Variants in SLC16A2 observed in about 807,000 individuals in gnomAD.
The protein encoded by SLC16A2 is solute carrier family 16 member 2.
In SLC16A2, 3 loss-of-function variants were observed where a neutral mutation model predicts 27.2. That is an observed-to-expected ratio of 0.11 (90% CI 0.05 to 0.28). The LOEUF is 0.28. SLC16A2 is among the 10% of genes least tolerant of loss of function. The pLI is 1.00. For synonymous variants in SLC16A2, 202 were observed against 187.8 expected, an observed-to-expected ratio of 1.08 and a Z score of -0.62; for missense variants, 295 against 458.5, an observed-to-expected ratio of 0.64 and a Z score of 3.26.
chrX:74,520,011 G>A (rs1185657555), intron 1 of SLC16A2, among the ~76,000 whole-genome samples: 4 of 111,684 alleles, frequency 3.6e-5, no homozygotes, highest in African/African-American at 1.3e-4. Flanking sequence ...ATGGGGAGCT[G>A]AGCAACCTAT....
At chrX:74,479,633 T>C (rs1929570639) in intron 1 of SLC16A2, among the ~76,000 whole-genome samples, 1 of 112,053 alleles carries the variant, frequency 8.9e-6, no homozygotes. Context: ...CTTTGGTCTT[T>C]GATGATGGTG....
In SLC16A2 at chrX:74,533,498, A is replaced by C. The variant is rs1930604302; in HGVS notation, c.*1945A>C. The stretch of plus-strand genomic sequence containing the variant: ...GAGAGACCACTGAAAATACTGGAGC[A>C]ACAATGCCCCTGCTTCCATTTCTCC... On this transcript the variant is annotated 3_prime_UTR_variant, in exon 6 of 6. Coordinates refer to ENST00000587091, the MANE Select transcript of SLC16A2 (RefSeq NM_006517.5). The C allele has an allele frequency of 8.9e-6, 1 of 112,330 alleles. No individual in the cohort carries two copies. Among genetic ancestry groups the C allele is most frequent in the Admixed American group, 9.4e-5 (1 of 10,626 alleles). 9.3% of individuals were successfully genotyped at this position (112,330 alleles called of 1,213,427 possible). A position where few individuals can be genotyped will look rare whatever the true frequency, so the allele number is the denominator to read the frequency against.
intron 1 of SLC16A2, among the ~76,000 whole-genome samples, chrX:74,504,646 C>T (rs1032029030): frequency 8.9e-6 from 1 of 112,027 alleles, no homozygotes; most frequent in East Asian, 2.8e-4. Flanking sequence ...ATCCATTTTC[C>T]GGATGAGAAA....
intron 4 of SLC16A2, among the ~76,000 whole-genome samples, chrX:74,527,920 C>T (rs1261315851): frequency 1.8e-5 from 2 of 111,823 alleles, no homozygotes; most frequent in African/African-American, 3.2e-5. Flanking sequence ...GCTCAGGTAC[C>T]GGGGTTCTTA....
intron 1 of SLC16A2, chrX:74,473,620 A>C (rs1314615089): frequency 1.1e-4 from 106 of 986,759 alleles, no homozygotes; most frequent in Non-Finnish European, 1.3e-4. Flanking sequence ...TAATGCCACC[A>C]ACAAATATCT....
At chrX:74,441,935 A>G (rs1306456374) in intron 1 of SLC16A2, among the ~76,000 whole-genome samples, 1 of 110,750 alleles carries the variant, frequency 9.0e-6, no homozygotes, top group Non-Finnish European at 1.9e-5. Context: ...GGCTGTTGAA[A>G]TGGGAATTTG....
At chrX:74,511,884 A>C (rs2147866675) in intron 1 of SLC16A2, among the ~76,000 whole-genome samples, 1 of 112,065 alleles carries the variant, frequency 8.9e-6, no homozygotes, top group Non-Finnish European at 1.9e-5. Context: ...GGAAATAATT[A>C]ATAAATGACG....
chrX:74,467,229 C>T (rs1436060637), intron 1 of SLC16A2, among the ~76,000 whole-genome samples: 7 of 111,711 alleles, frequency 6.3e-5, no homozygotes. Flanking sequence ...TTTTCAGAAC[C>T]CCTCATGATA....
intron 1 of SLC16A2, among the ~76,000 whole-genome samples, chrX:74,436,219 G>A (rs1209625212): frequency 2.7e-5 from 3 of 109,359 alleles, no homozygotes; most frequent in Non-Finnish European, 5.7e-5. Context: ...GTGTGTGTGC[G>A]CATGCGTGCA....
At chrX:74,494,952 C>A (rs1484507449) in intron 1 of SLC16A2, among the ~76,000 whole-genome samples, 2 of 111,446 alleles carry the variant, frequency 1.8e-5, no homozygotes, top group Admixed American at 9.5e-5. Context: ...CTCCTGCCCC[C>A]ACCCTCATAC....
At chrX:74,511,816 T>C (rs1379164658) in intron 1 of SLC16A2, among the ~76,000 whole-genome samples, 1 of 111,711 alleles carries the variant, frequency 9.0e-6, no homozygotes, top group African/African-American at 3.3e-5. Flanking sequence ...GAGTGTTTCA[T>C]CTATTCACTG....
intron 1 of SLC16A2, among the ~76,000 whole-genome samples, chrX:74,502,914 T>A (rs772895621): frequency 9.1e-6 from 1 of 110,444 alleles, no homozygotes; most frequent in Non-Finnish European, 1.9e-5. Context: ...TCCCTTTACA[T>A]GTGTGTTAGC....
At chrX:74,475,149 C>T (rs1178763088) in intron 1 of SLC16A2, among the ~76,000 whole-genome samples, 1 of 107,397 alleles carries the variant, frequency 9.3e-6, no homozygotes, top group Non-Finnish European at 1.9e-5. Context: ...CTGTTGTTTC[C>T]TGACTTTTTA....
At chrX:74,484,063 T>C (rs1251099382) in intron 1 of SLC16A2, among the ~76,000 whole-genome samples, 1 of 111,350 alleles carries the variant, frequency 9.0e-6, no homozygotes, top group Non-Finnish European at 1.9e-5. Flanking sequence ...CCAACTAGAA[T>C]AGAATTTCCA....
At chrX:74,435,543 A>ATGCG (rs1555980987) in intron 1 of SLC16A2, among the ~76,000 whole-genome samples, 4 of 88,380 alleles carry the variant, frequency 4.5e-5, no homozygotes, top group African/African-American at 1.9e-4. Context: ...ATATGTATAT[A>ATGCG]TATATATATA....
chrX:74,486,870 C>T (rs768301353), intron 1 of SLC16A2, among the ~76,000 whole-genome samples: 26 of 111,459 alleles, frequency 2.3e-4, no homozygotes, highest in Admixed American at 3.8e-4. Context: ...ATTAAGAAAA[C>T]GTGGCACATA....
At chrX:74,469,607 C>T (rs1162443580) in intron 1 of SLC16A2, among the ~76,000 whole-genome samples, 2 of 110,780 alleles carry the variant, frequency 1.8e-5, no homozygotes, top group African/African-American at 6.6e-5. Flanking sequence ...TGTTCATTGG[C>T]CATTTGTATA....
intron 5 of SLC16A2, among the ~76,000 whole-genome samples, 162 bp from the exon 6 acceptor site, chrX:74,531,171 G>C (rs1362388375): frequency 1.8e-5 from 2 of 112,812 alleles, no homozygotes; most frequent in Non-Finnish European, 3.7e-5. Flanking sequence ...TCGCTCAAGG[G>C]CCTGCAGCCC....
chrX:74,461,997 T>C (rs1165354166), intron 1 of SLC16A2, among the ~76,000 whole-genome samples: 1 of 111,598 alleles, frequency 9.0e-6, no homozygotes, highest in Admixed American at 9.5e-5. Flanking sequence ...CTCCTGAGCC[T>C]TTCAGCCCAG....
Sources: gnomAD v4.1 joint callset for allele counts (sites outside exome capture counted in the v4.1 genomes callset) on GRCh38, gnomAD v4.1.1 for gene constraint, MANE v1.5 for transcripts, NCBI Gene and HGNC (gene_info 2026-07-23, HGNC 2026-07-21) for gene names.